TNRC18: variants seen among roughly 807,000 people sequenced by gnomAD.
The protein encoded by TNRC18 is trinucleotide repeat containing 18.
A neutral mutation model predicts 226.7 loss-of-function variants in TNRC18; 69 were observed. The observed-to-expected ratio is 0.30, with a 90% confidence interval of 0.25 to 0.37. The LOEUF (loss-of-function observed/expected upper bound fraction) is 0.37, where lower values mean the gene tolerates loss of function less well. TNRC18 is among the 10% of genes least tolerant of loss of function. TNRC18 has a pLI of 1.00. For missense variants in TNRC18, 4,754 were observed against 4,256.6 expected, an observed-to-expected ratio of 1.12 and a Z score of -3.25; for synonymous variants, 2,449 against 1,927.6, an observed-to-expected ratio of 1.27 and a Z score of -7.09.
chr7:5,330,633 G>C (rs925284091), intron 19 of TNRC18, among the ~76,000 whole-genome samples: 2 of 151,916 alleles, frequency 1.3e-5, no homozygotes, highest in African/African-American at 4.8e-5. Flanking sequence ...GAAGTGAAGG[G>C]GTTAGAACAT....
At chr7:5,410,275 C>T (rs186189045) in intron 2 of TNRC18, among the ~76,000 whole-genome samples, 3 of 147,702 alleles carry the variant, frequency 2.0e-5, no homozygotes, top group African/African-American at 7.5e-5. Context: ...CATGCCACTG[C>T]CCTCCACCCT....
At chr7:5,345,482 A>G (rs887831896) in intron 18 of TNRC18, 80 bp downstream of exon 18, 25 of 1,332,934 alleles carry the variant, frequency 1.9e-5, no homozygotes, top group Middle Eastern at 5.3e-4. Context: ...TCTGAGCCTC[A>G]GTTTCCTCAC....
At chr7:5,422,043 G>A (rs1470578324) in intron 1 of TNRC18, among the ~76,000 whole-genome samples, 3 of 152,158 alleles carry the variant, frequency 2.0e-5, no homozygotes, top group Non-Finnish European at 2.9e-5. Context: ...TCTGGGGGTG[G>A]GAGGAGGGAG....
rs539619642 is a variant in TNRC18 at position 5,394,240 on chromosome 7, G to A, written c.343+200C>T. Among the ~76,000 whole-genome samples the A allele has an allele frequency of 2.0e-5, 3 of 152,280 alleles. No homozygotes were observed. Among genetic ancestry groups the A allele is most frequent in the East Asian group, 3.9e-4 (2 of 5,178 alleles). ...GTGGCATGGGGTGTCAGGCTGAAAG[G>A]AGAGGAAACAGCTCATACAAATGCC... On this transcript the variant is annotated intron_variant, in intron 3 of 29. Transcript: ENST00000430969. This position sits in a 1 kb window ranked among gnomAD's most constrained non-coding sequence, Gnocchi z 4.5.
chr7:5,392,579 A>G (rs1158710980), intron 3 of TNRC18, among the ~76,000 whole-genome samples: 1 of 152,102 alleles, frequency 6.6e-6, no homozygotes, highest in African/African-American at 2.4e-5. Flanking sequence ...GTGCCACTAT[A>G]TACTCTAGCC....
intron 3 of TNRC18, 111 bp from the exon 4 acceptor site, chr7:5,390,739 C>T (rs1780233210): frequency 4.6e-6 from 6 of 1,313,192 alleles, no homozygotes; most frequent in Admixed American, 3.0e-5. Flanking sequence ...TGGTACAGGG[C>T]GCCTTGAGGT....
rs1166120314 is a variant in TNRC18 at position 5,325,110 on chromosome 7, C to G, written c.6286G>C (p.Glu2096Gln). 2 of 1,550,158 alleles carry G rather than the reference C, an allele frequency of 1.3e-6. No homozygotes were observed. Among genetic ancestry groups the G allele is most frequent in the African/African-American group, 2.7e-5 (2 of 73,010 alleles). ...KRSKAKAKGK[E>Q]VKKENRGKGG... is the part of the protein sequence containing the mutation. The stretch of plus-strand genomic sequence containing the variant: ...GTGAGCCTCACCTCCTTCTTCACCT[C>G]CTTCCCTTTGGCCTTGGCTTTGCTC... The change falls in exon 20 of 30, where the codon GAG becomes CAG. Residue 2096 changes from glutamate (E) to glutamine (Q), a missense_variant. Glu to Gln is a conservative substitution (Grantham distance 29, BLOSUM62 2). Transcript: ENST00000430969.
intron 16 of TNRC18, 25 bp from the exon 17 acceptor site, chr7:5,352,119 G>C (rs777408100): frequency 2.6e-5 from 41 of 1,577,980 alleles, no homozygotes; most frequent in Admixed American, 3.7e-5. Context: ...GTTTTTAATA[G>C]AGATAAGTCA....
intron 19 of TNRC18, among the ~76,000 whole-genome samples, chr7:5,332,266 C>T (rs1427175818): frequency 6.6e-6 from 1 of 152,110 alleles, no homozygotes; most frequent in East Asian, 1.9e-4. Context: ...GCGAGATCCC[C>T]TCTCTACAAA....
At chr7:5,328,446 T>C (rs1300133650) in intron 19 of TNRC18, among the ~76,000 whole-genome samples, 1 of 151,066 alleles carries the variant, frequency 6.6e-6, no homozygotes, top group Non-Finnish European at 1.5e-5. Context: ...GGCAGGAGGA[T>C]CACTTGAGCC....
chr7:5,313,915 G>A (rs1787573683), intron 26 of TNRC18, 52 bp from the exon 27 acceptor site: 1 of 1,416,292 alleles, frequency 7.1e-7, no homozygotes. Context: ...TGGCAGAGAT[G>A]AGCTGTGGCT....
intron 19 of TNRC18, among the ~76,000 whole-genome samples, chr7:5,328,718 G>C (rs1408344773): frequency 1.3e-5 from 2 of 151,718 alleles, no homozygotes; most frequent in Non-Finnish European, 2.9e-5. Flanking sequence ...CACCATATTG[G>C]CTAGGCTGGT....
Position 5,316,001 on chromosome 7 carries a change from G to A in TNRC18, c.6817C>T (p.Pro2273Ser), listed in dbSNP as rs762079588. The stretch of plus-strand genomic sequence containing the variant: ...GGCAGGAGGCGGATATGTGAGAGGG[G>A]GATCCTGCCCGTGTCTCCGTCGTCA... Reference protein sequence around the residue: ...EFDDGDTGRIPLSHIRLLPPD... With the variant: ...EFDDGDTGRISLSHIRLLPPD... Residue 2273 changes from proline (P) to serine (S), a missense_variant, in exon 25 of 30, where the codon CCC (proline) becomes TCC (serine). By Grantham distance (74) the Pro-to-Ser change is moderately conservative. Coordinates refer to ENST00000430969, the MANE Select transcript of TNRC18 (RefSeq NM_001080495.3). 1 of 1,603,816 alleles carries A rather than the reference G, an allele frequency of 6.2e-7. No homozygotes were observed. Among genetic ancestry groups the A allele is most frequent in the South Asian group, 1.1e-5 (1 of 89,594 alleles).
chr7:5,316,728 G>T (rs1214413841), intron 24 of TNRC18, among the ~76,000 whole-genome samples: 1 of 152,244 alleles, frequency 6.6e-6, no homozygotes, highest in African/African-American at 2.4e-5. Flanking sequence ...GGAAAGGGGA[G>T]GGCGGCAGTG....
At chr7:5,327,378 T>C (rs1246252979) in intron 19 of TNRC18, among the ~76,000 whole-genome samples, 5 of 93,736 alleles carry the variant, frequency 5.3e-5, no homozygotes, top group Admixed American at 2.4e-4. Flanking sequence ...TGTGCGTGTG[T>C]GTGTGTGTGT....
In TNRC18 at chr7:5,359,585, A is replaced by T. The variant is rs751994461; in HGVS notation, c.4662-16T>A. On this transcript the variant is annotated splice_polypyrimidine_tract_variant and intron_variant, in intron 14 of 29. Transcript: ENST00000430969. ...GCTGCTCAGCCTGAAACGCAGACAC[A>T]CTGCCGGTCAGCACCCTGGCCAGAC... is the stretch of plus-strand genomic sequence containing the variant. The T allele has an allele frequency of 6.2e-7, 1 of 1,613,056 alleles. No homozygotes were observed. The highest frequency in any genetic ancestry group is 8.5e-7 in the Non-Finnish European group (1 of 1,179,876).
rs772762055 is a variant in TNRC18 at position 5,370,563 on chromosome 7, G to A, written c.4031C>T (p.Ala1344Val). The change falls in exon 11 of 30, where the codon GCC (alanine) becomes GTC (valine). Residue 1344 changes from alanine (A) to valine (V), a missense_variant. Ala to Val is a moderately conservative substitution (Grantham distance 64). Transcript: ENST00000430969. Reference sequence around the variant, plus strand: ...GGGCAGCTCCGCAGCTGCCGCCAGGGCGTTCATGCCAGCCAGTGGGTCCTC... The same window carrying A: ...GGGCAGCTCCGCAGCTGCCGCCAGGACGTTCATGCCAGCCAGTGGGTCCTC... ...SLEDPLAGMNALAAAAELPQA... is the reference protein window; with the variant it reads ...SLEDPLAGMNVLAAAAELPQA... The A allele has an allele frequency of 6.2e-7, 1 of 1,611,616 alleles. No homozygotes were observed. The highest frequency in any genetic ancestry group is 8.5e-7 in the Non-Finnish European group (1 of 1,179,094).
chr7:5,313,309 C>T lies in TNRC18; in HGVS notation c.7582G>A (p.Glu2528Lys), dbSNP rs1787480486. 2.6e-6 allele frequency: 4 copies of T among 1,549,192 alleles called. No homozygotes were observed. Among genetic ancestry groups the T allele is most frequent in the Non-Finnish European group, 3.5e-6 (4 of 1,147,034 alleles). Residue 2528 changes from glutamate (E) to lysine (K), a missense_variant, in exon 27 of 30, where the codon GAG (glutamate) becomes AAG (lysine). Physicochemically the swap from Glu to Lys is moderately conservative, Grantham distance 56. Transcript: ENST00000430969. ...TCGAACGTGAGCCCCGGCCCGGGCTCCTGGGCGAGGTCCCCGTCGGTGGCC... is the reference window on the plus strand; with the variant it reads ...TCGAACGTGAGCCCCGGCCCGGGCTTCTGGGCGAGGTCCCCGTCGGTGGCC... ...PKATDGDLAQ[E>K]PGPGLTFEDS...
At chr7:5,410,024 G>C (rs1285722807) in intron 2 of TNRC18, among the ~76,000 whole-genome samples, 1 of 149,708 alleles carries the variant, frequency 6.7e-6, no homozygotes, top group Non-Finnish European at 1.5e-5. Context: ...TAAATTCAAT[G>C]ATCAGATCAG....
Sources: allele counts gnomAD v4.1 joint callset (sites outside exome capture counted in the v4.1 genomes callset), GRCh38; gene constraint gnomAD v4.1.1; non-coding constraint Gnocchi (gnomAD v3.1); transcripts MANE v1.5; gene names NCBI Gene and HGNC (gene_info 2026-07-23, HGNC 2026-07-21).